The following GRID2 variants were observed in gnomAD, a reference collection of about 807,000 sequenced individuals.
GRID2 encodes glutamate ionotropic receptor delta type subunit 2, also known as glutamate receptor ionotropic, delta-2.
A neutral mutation model predicts 114.8 loss-of-function variants in GRID2; 33 were observed. The observed-to-expected ratio is 0.29, with a 90% CI of 0.22 to 0.38. The LOEUF (loss-of-function observed/expected upper bound fraction) is 0.38, where lower values mean the gene tolerates loss of function less well. GRID2 is among the 10% of genes least tolerant of loss of function. The pLI is 1.00. For synonymous variants in GRID2, 505 were observed against 449.9 expected, an observed-to-expected ratio of 1.12 and a Z score of -1.55; for missense variants, 1,184 against 1,257.7, an observed-to-expected ratio of 0.94 and a Z score of 0.89.
At chr4:93,386,769 G>T (rs1186947357) in intron 8 of GRID2, among the ~76,000 whole-genome samples, 1 of 152,134 alleles carries the variant, frequency 6.6e-6, no homozygotes, top group Non-Finnish European at 1.5e-5. Flanking sequence ...GAATGGGAAA[G>T]TACCAAGTAC....
At chr4:93,087,780 T>G (rs1162612268) in intron 3 of GRID2, among the ~76,000 whole-genome samples, 1 of 152,194 alleles carries the variant, frequency 6.6e-6, no homozygotes, top group African/African-American at 2.4e-5. Flanking sequence ...AAAGAAAATT[T>G]CCCTTTAATA....
intron 13 of GRID2, among the ~76,000 whole-genome samples, chr4:93,597,819 G>A (rs1278085110): frequency 6.6e-6 from 1 of 152,150 alleles, no homozygotes; most frequent in Non-Finnish European, 1.5e-5. Flanking sequence ...ACAACCAAAT[G>A]TTAGTCACTT....
chr4:93,302,588 C>T (rs1560475661), intron 8 of GRID2: 1 of 456,170 alleles, frequency 2.2e-6, no homozygotes, highest in Non-Finnish European at 4.4e-6. Flanking sequence ...TACAGGTAAA[C>T]TTCATTTTCA....
chr4:92,789,626 T>C (rs1739483043), intron 2 of GRID2, among the ~76,000 whole-genome samples: 1 of 151,954 alleles, frequency 6.6e-6, no homozygotes, highest in Non-Finnish European at 1.5e-5. Flanking sequence ...ATTTGACTTT[T>C]AGTATGTTAT....
At chr4:93,517,913 T>A (rs911751596) in intron 13 of GRID2, among the ~76,000 whole-genome samples, 29 of 143,644 alleles carry the variant, frequency 2.0e-4, no homozygotes, top group African/African-American at 7.1e-4. Context: ...TATGTGTGTG[T>A]GTATGTATAT....
At chr4:93,271,029 C>G (rs775885110) in intron 8 of GRID2, among the ~76,000 whole-genome samples, 1 of 152,046 alleles carries the variant, frequency 6.6e-6, no homozygotes, top group Non-Finnish European at 1.5e-5. Context: ...GCTTTTATAG[C>G]TAATTAAAGG....
At chr4:92,715,574 C>A (rs1304732048) in intron 2 of GRID2, among the ~76,000 whole-genome samples, 1 of 152,232 alleles carries the variant, frequency 6.6e-6, no homozygotes, top group East Asian at 1.9e-4. Flanking sequence ...ACTTACAGTT[C>A]CACATGGCTG....
At chr4:93,602,395 G>T (rs56201865) in intron 13 of GRID2, among the ~76,000 whole-genome samples, 10,029 of 152,218 alleles carry the variant, frequency 0.066, 581 homozygotes, top group African/African-American at 0.16. Context: ...CAGAGATTGT[G>T]TGTTCAGTAA....
At chr4:93,138,954 T>C (rs1735514309) in intron 4 of GRID2, among the ~76,000 whole-genome samples, 1 of 152,222 alleles carries the variant, frequency 6.6e-6, no homozygotes, top group Admixed American at 6.5e-5. Context: ...TCTACTTTCA[T>C]CTCCTGCTAT....
intron 13 of GRID2, among the ~76,000 whole-genome samples, chr4:93,534,059 T>A (rs1560723527): frequency 6.6e-6 from 1 of 152,096 alleles, no homozygotes; most frequent in Non-Finnish European, 1.5e-5. Flanking sequence ...TTTTCTGTTC[T>A]TCCTATCTTT....
chr4:93,120,601 GA>G (rs1733690561), intron 4 of GRID2, among the ~76,000 whole-genome samples: 1 of 152,164 alleles, frequency 6.6e-6, no homozygotes, highest in South Asian at 2.1e-4. Context: ...GTCAGGGAGT[GA>G]GGAGCAAGGG....
rs76091483 is a variant in GRID2, at chr4:92,958,498, C to T, written c.245-126497C>T. On this transcript the variant is annotated intron_variant, in intron 2 of 15. Coordinates refer to ENST00000282020, the MANE Select transcript of GRID2 (RefSeq NM_001510.4). ...ATTGATTCTGGAATATTGAACCAGC[C>T]TTGTATATCCGGGATAAATCCCACT... 5.2e-3 allele frequency among the ~76,000 whole-genome samples: 790 copies of T among 152,110 alleles called. 7 individuals carry two copies. The highest frequency in any genetic ancestry group is 0.018 in the African/African-American group (756 of 41,522).
At chr4:92,349,924 C>T (rs532032484) in intron 1 of GRID2, among the ~76,000 whole-genome samples, 2 of 151,980 alleles carry the variant, frequency 1.3e-5, no homozygotes, top group South Asian at 2.1e-4. Context: ...AGTTCTTCCA[C>T]CTGCTTCTAT....
At chr4:92,846,583 G>A (rs1467355834) in intron 2 of GRID2, among the ~76,000 whole-genome samples, 2 of 151,936 alleles carry the variant, frequency 1.3e-5, no homozygotes, top group Admixed American at 1.3e-4. Flanking sequence ...TTCCCCTTTG[G>A]TTTAGATTCC....
At chr4:92,517,003 G>A (rs1724532446) in intron 1 of GRID2, among the ~76,000 whole-genome samples, 1 of 149,212 alleles carries the variant, frequency 6.7e-6, no homozygotes, top group Non-Finnish European at 1.5e-5. Flanking sequence ...ATCATACAGA[G>A]AGATAAAAAG....
chr4:92,861,234 G>T (rs1292104598), intron 2 of GRID2, among the ~76,000 whole-genome samples: 1 of 151,908 alleles, frequency 6.6e-6, no homozygotes, highest in Non-Finnish European at 1.5e-5. Context: ...CAGTTCTGTG[G>T]GTCATAACTC....
intron 13 of GRID2, among the ~76,000 whole-genome samples, chr4:93,546,829 A>G (rs1486031212): frequency 6.6e-6 from 1 of 152,152 alleles, no homozygotes; most frequent in African/African-American, 2.4e-5. Context: ...AAAGAGTAAT[A>G]TTAATATACT....
chr4:93,403,820 G>A (rs1169977628), intron 9 of GRID2, among the ~76,000 whole-genome samples: 1 of 152,134 alleles, frequency 6.6e-6, no homozygotes, highest in East Asian at 1.9e-4. Context: ...CAGTCTAGCA[G>A]TTCCTCAAAT....
At chr4:92,967,790 G>T (rs1425685615) in intron 2 of GRID2, among the ~76,000 whole-genome samples, 1 of 151,882 alleles carries the variant, frequency 6.6e-6, no homozygotes, top group East Asian at 1.9e-4. Context: ...ACAAGCGAGG[G>T]TATAGCTATT....
Sources: allele counts gnomAD v4.1 joint callset (sites outside exome capture counted in the v4.1 genomes callset), GRCh38; gene constraint gnomAD v4.1.1; transcripts MANE v1.5; gene names NCBI Gene and HGNC (gene_info 2026-07-23, HGNC 2026-07-21).